Variants in CLASP1 observed in about 807,000 individuals in gnomAD.
CLASP1 encodes CLIP-associating protein 1.
In CLASP1, 38 loss-of-function variants were observed where a neutral mutation model predicts 192.3. The observed-to-expected ratio is 0.20, with a 90% confidence interval of 0.15 to 0.26. CLASP1 has a LOEUF of 0.26. Ranked by LOEUF, CLASP1 falls within the 10% of genes least tolerant of loss-of-function variation. The probability of loss-of-function intolerance (pLI) is 1.00; values close to 1 mark genes in which losing one functional copy is unlikely to be tolerated. For missense variants in CLASP1, 1,433 were observed against 1,932.5 expected (o/e 0.74, Z 4.85); for synonymous variants, 691 against 712.8 (o/e 0.97, Z 0.49).
intron 8 of CLASP1, among the ~76,000 whole-genome samples, chr2:121,497,560 T>C (rs2093583024): frequency 6.6e-6 from 1 of 152,148 alleles, no homozygotes; most frequent in Non-Finnish European, 1.5e-5. Context: ...CACGGATATG[T>C]GTAACCAGGG....
chr2:121,386,492 G>T (rs1020852708), intron 32 of CLASP1, among the ~76,000 whole-genome samples: 1 of 152,186 alleles, frequency 6.6e-6, no homozygotes, highest in Non-Finnish European at 1.5e-5. Context: ...TCTTCTAAAG[G>T]CTCTTGTCAG....
At chr2:121,438,511 A>G (rs1023633562) in intron 19 of CLASP1, among the ~76,000 whole-genome samples, 1 of 152,232 alleles carries the variant, frequency 6.6e-6, no homozygotes, top group South Asian at 2.1e-4. Context: ...ACCTTGGGTC[A>G]GCTCAAGGTC....
At chr2:121,400,834 TC>T (rs1177600160) in intron 28 of CLASP1, among the ~76,000 whole-genome samples, 3 of 152,092 alleles carry the variant, frequency 2.0e-5, no homozygotes, top group East Asian at 1.9e-4. Flanking sequence ...AATTTGACAT[TC>T]CCCCCATCCA....
intron 33 of CLASP1, 111 bp from the exon 35 acceptor site, chr2:121,377,760 T>C (rs995623197): frequency 1.4e-6 from 1 of 737,584 alleles, no homozygotes; most frequent in Admixed American, 3.4e-5. Flanking sequence ...TATAGTTTTG[T>C]TTATTGGGTG....
At chr2:121,501,119 C>T (rs975368754) in intron 8 of CLASP1, among the ~76,000 whole-genome samples, 2 of 152,142 alleles carry the variant, frequency 1.3e-5, no homozygotes, top group Non-Finnish European at 2.9e-5. Flanking sequence ...AGTCTTTCTC[C>T]CCAATGCCAG....
chr2:121,518,435 A>C (rs1179930085), intron 6 of CLASP1, among the ~76,000 whole-genome samples: 1 of 152,088 alleles, frequency 6.6e-6, no homozygotes, highest in East Asian at 1.9e-4. Flanking sequence ...CCGGCCTCTA[A>C]AACTGTGAAA....
intron 35 of CLASP1, among the ~76,000 whole-genome samples, chr2:121,367,089 C>T (rs1288881474): frequency 6.6e-6 from 1 of 152,202 alleles, no homozygotes; most frequent in Admixed American, 6.5e-5. Flanking sequence ...CGGAGGTCAA[C>T]ACAGCTCCAG....
intron 2 of CLASP1, among the ~76,000 whole-genome samples, chr2:121,552,539 GAC>G (rs1343283062): frequency 6.6e-6 from 1 of 152,108 alleles, no homozygotes; most frequent in African/African-American, 2.4e-5. Context: ...GACATGAACA[GAC>G]ACTTTTCAAA....
intron 1 of CLASP1, among the ~76,000 whole-genome samples, chr2:121,628,042 G>C (rs190791842): frequency 6.6e-6 from 1 of 152,112 alleles, no homozygotes; most frequent in Non-Finnish European, 1.5e-5. Context: ...CTTTAAGTCT[G>C]TACTTTACTA....
intron 9 of CLASP1, among the ~76,000 whole-genome samples, chr2:121,466,102 A>C (rs777015674): frequency 6.6e-6 from 1 of 152,206 alleles, no homozygotes. Flanking sequence ...ATAATTACCC[A>C]AGAATAGTTC....
intron 8 of CLASP1, among the ~76,000 whole-genome samples, chr2:121,488,934 G>A (rs576025376): frequency 6.6e-6 from 1 of 152,206 alleles, no homozygotes; most frequent in Non-Finnish European, 1.5e-5. Context: ...AATATATCAA[G>A]TGAAAGAATC....
intron 30 of CLASP1, among the ~76,000 whole-genome samples, chr2:121,396,523 A>T (rs2075310137): frequency 6.6e-6 from 1 of 152,222 alleles, no homozygotes; most frequent in Non-Finnish European, 1.5e-5. Context: ...AGTAAGTCCT[A>T]GTTCAAATAT....
intron 2 of CLASP1, among the ~76,000 whole-genome samples, chr2:121,536,204 AC>A (rs199968445): frequency 6.6e-6 from 1 of 151,048 alleles, no homozygotes; most frequent in Non-Finnish European, 1.5e-5. Context: ...ACACAGTGAA[AC>A]CCCGTCTCTA....
intron 34 of CLASP1, among the ~76,000 whole-genome samples, chr2:121,376,254 T>C (rs2070097195): frequency 6.6e-6 from 1 of 152,156 alleles, no homozygotes; most frequent in Non-Finnish European, 1.5e-5. Flanking sequence ...CTATTCACAA[T>C]AGCCAAGATA....
At chr2:121,452,735 G>A (rs942524127) in intron 14 of CLASP1, among the ~76,000 whole-genome samples, 1 of 152,160 alleles carries the variant, frequency 6.6e-6, no homozygotes, top group African/African-American at 2.4e-5. Flanking sequence ...AGGTTGCAGT[G>A]AGCCGAGATC....
chr2:121,538,455 A>T (rs1439659705), intron 2 of CLASP1, among the ~76,000 whole-genome samples: 1 of 151,566 alleles, frequency 6.6e-6, no homozygotes, highest in Non-Finnish European at 1.5e-5. Context: ...ACAAAAAAAG[A>T]TTATCATTCT....
intron 1 of CLASP1, among the ~76,000 whole-genome samples, chr2:121,640,620 T>C (rs1052233608): frequency 1.3e-5 from 2 of 151,712 alleles, no homozygotes; most frequent in Non-Finnish European, 2.9e-5. Flanking sequence ...TGCCAGATAG[T>C]GGCAGCATAC....
At chr2:121,442,908 G>A (rs1466643834) in intron 19 of CLASP1, among the ~76,000 whole-genome samples, 1 of 152,088 alleles carries the variant, frequency 6.6e-6, no homozygotes, top group East Asian at 1.9e-4. Context: ...AATGCAGGTG[G>A]AAAACTCGTA....
At chr2:121,466,801 A>G (rs941339482) in intron 9 of CLASP1, among the ~76,000 whole-genome samples, 30 of 152,330 alleles carry the variant, frequency 2.0e-4, no homozygotes, top group Admixed American at 9.2e-4. Context: ...AATGTGTTTT[A>G]TCTTATTTAT....
Sources: gnomAD v4.1 joint callset for allele counts (sites outside exome capture counted in the v4.1 genomes callset) on GRCh38, gnomAD v4.1.1 for gene constraint, MANE v1.5 for transcripts, NCBI Gene and HGNC (gene_info 2026-07-23, HGNC 2026-07-21) for gene names.